Variants in DCDC1 observed in about 807,000 individuals in gnomAD.
The protein encoded by DCDC1 is doublecortin domain containing 1.
A neutral mutation model predicts 178.3 loss-of-function variants in DCDC1; 200 were observed. The observed-to-expected ratio is 1.12, with a 90% CI of 1.00 to 1.26. DCDC1 has a LOEUF of 1.26. Ranked by LOEUF, DCDC1 falls within the 50% of genes most tolerant of loss-of-function variation. DCDC1 has a pLI of 0.00. For synonymous variants in DCDC1, 690 were observed against 604.8 expected (o/e 1.14, Z -2.07); for missense variants, 1,983 against 1,749.2 (o/e 1.13, Z -2.38).
chr11:31,102,046 C>T (rs1217613735), intron 15 of DCDC1, 131 bp downstream of exon 15: 1 of 453,426 alleles, frequency 2.2e-6, no homozygotes. Context: ...CACTGCATTC[C>T]ACCCTGGGTG....
At chr11:30,974,195 A>T (rs573466641) in intron 20 of DCDC1, among the ~76,000 whole-genome samples, 1 of 152,152 alleles carries the variant, frequency 6.6e-6, no homozygotes, top group South Asian at 2.1e-4. Flanking sequence ...ATGCAAACCA[A>T]AACGCAACAC....
intron 20 of DCDC1, among the ~76,000 whole-genome samples, chr11:30,958,413 G>A (rs1948892814): frequency 6.6e-6 from 1 of 152,076 alleles, no homozygotes; most frequent in South Asian, 2.1e-4. Context: ...CATTGTCTCA[G>A]ATTAAGAGAC....
At chr11:30,911,011 A>AG (rs1389815653) in intron 28 of DCDC1, among the ~76,000 whole-genome samples, 1 of 152,160 alleles carries the variant, frequency 6.6e-6, no homozygotes, top group African/African-American at 2.4e-5. Context: ...ACCTGCCTGC[A>AG]GCCACCACTG....
intron 11 of DCDC1, among the ~76,000 whole-genome samples, chr11:31,113,596 A>G (rs1216055062): frequency 1.3e-5 from 2 of 152,006 alleles, no homozygotes; most frequent in Admixed American, 1.3e-4. Context: ...AGCTTCATCC[A>G]TGTCCCTACA....
At chr11:30,900,576 A>G in intron 32 of DCDC1, 78 bp from the exon 33 acceptor site, 2 of 1,248,042 alleles carry the variant, frequency 1.6e-6, no homozygotes, top group Non-Finnish European at 1.0e-6. Flanking sequence ...TTTATTCAAA[A>G]TATTTTATTA....
At chr11:31,166,651 GA>G (rs1167039640) in intron 9 of DCDC1, among the ~76,000 whole-genome samples, 7 of 152,072 alleles carry the variant, frequency 4.6e-5, no homozygotes, top group Non-Finnish European at 4.4e-5. Context: ...AAGAATAAAA[GA>G]AAAAGGGAAG....
intron 1 of DCDC1, among the ~76,000 whole-genome samples, chr11:31,346,562 C>T (rs1367912607): frequency 6.6e-6 from 1 of 150,534 alleles, no homozygotes; most frequent in Non-Finnish European, 1.5e-5. Context: ...TTCAGACATA[C>T]ATTTTTGAGA....
At chr11:30,884,194 C>T (rs1319917887) in intron 36 of DCDC1, among the ~76,000 whole-genome samples, 3 of 151,604 alleles carry the variant, frequency 2.0e-5, no homozygotes, top group Admixed American at 1.3e-4. Context: ...CCACCATGTC[C>T]GGCTAATTTT....
chr11:31,021,837 A>G (rs1952899663), intron 20 of DCDC1, among the ~76,000 whole-genome samples: 1 of 152,172 alleles, frequency 6.6e-6, no homozygotes, highest in Non-Finnish European at 1.5e-5. Context: ...CCTGTTACTA[A>G]TTAGGTGTAC....
Position 30,977,822 on chromosome 11 carries a change from G to A in DCDC1, c.2592-25254C>T, listed in dbSNP as rs570107846. The stretch of plus-strand genomic sequence containing the variant: ...GGCTTGCCTGTATTCCCAGCTACTC[G>A]TGGGTGCTGAGGTGGGAGGATGACT... On this transcript the variant is annotated intron_variant, in intron 20 of 38. Transcript: ENST00000684477. 7.2e-5 allele frequency among the ~76,000 whole-genome samples: 11 copies of A among 152,178 alleles called. No homozygotes were observed. In the South Asian group the frequency reaches 1.0e-3, roughly 14 times the overall value.
At position 31,350,808 on chromosome 11, in the gene DCDC1, C is replaced by T. The variant is rs1024385128; in HGVS notation, c.-124-15244G>A. Among the ~76,000 whole-genome samples, 6 of 152,160 alleles carry T rather than the reference C, an allele frequency of 3.9e-5. No individual in the cohort carries two copies. In the East Asian group the frequency reaches 5.8e-4, roughly 15 times the overall value. On this transcript the variant is annotated intron_variant, in intron 1 of 38. Transcript: ENST00000684477. ...AAAAATTATATTTATGTATCACATA[C>T]GTCAGAAAATGATTTAAATAATTTA...
intron 8 of DCDC1, among the ~76,000 whole-genome samples, chr11:31,250,772 TTG>T (rs1377353672): frequency 1.3e-4 from 20 of 150,992 alleles, no homozygotes; most frequent in African/African-American, 4.7e-4. Context: ...TTTTTTTTTT[TTG>T]AGACGGAGTC....
intron 8 of DCDC1, among the ~76,000 whole-genome samples, chr11:31,259,303 A>G (rs2137054767): frequency 6.6e-6 from 1 of 152,282 alleles, no homozygotes; most frequent in South Asian, 2.1e-4. Flanking sequence ...CAGTGAGCCA[A>G]GATCACACCA....
In DCDC1 at chr11:31,305,607, T is replaced by G. The variant is rs1948404264; in HGVS notation, c.754+8A>C. 1.2e-6 allele frequency: 2 copies of G among 1,612,828 alleles called. No individual in the cohort carries two copies. Among genetic ancestry groups the G allele is most frequent in the Non-Finnish European group, 1.7e-6 (2 of 1,179,352 alleles). On this transcript the variant is annotated splice_region_variant and intron_variant, in intron 6 of 38. Coordinates refer to ENST00000684477, the MANE Select transcript of DCDC1 (RefSeq NM_001387274.1). ...GTGGGGGTAGGGTATTTTTTAGATC[T>G]TTTTTACCTTTAATTTTTTTGAATG...
rs374059643 is a variant in DCDC1 at position 31,106,804 on chromosome 11, C to T, written c.1744G>A (p.Ala582Thr). The T allele has an allele frequency of 1.4e-4, 109 of 766,060 alleles. No individual in the cohort carries two copies. Among genetic ancestry groups the T allele is most frequent in the Non-Finnish European group, 2.2e-4 (90 of 417,782 alleles). 47.5% of individuals were successfully genotyped at this position (766,060 alleles called of 1,614,324 possible). ...CAAACCCCTTGCTCCTACCTGTATG[C>T]TCTACCATAAGAGACCCAAATTTTT... ...EQKIWVSYGR[A>T]YRSPLNLALG... The change falls in exon 13 of 39, where the codon GCA becomes ACA. Residue 582 changes from alanine (A) to threonine (T), a missense_variant. By Grantham distance (58) the Ala-to-Thr change is moderately conservative. Coordinates refer to ENST00000684477, the MANE Select transcript of DCDC1 (RefSeq NM_001387274.1).
intron 1 of DCDC1, among the ~76,000 whole-genome samples, chr11:31,347,005 C>A (rs1950851335): frequency 6.6e-6 from 1 of 152,094 alleles, no homozygotes; most frequent in African/African-American, 2.4e-5. Flanking sequence ...AAGCTTATAA[C>A]AAGAAATGTT....
At chr11:30,907,058 C>G (rs1286352263) in intron 29 of DCDC1, among the ~76,000 whole-genome samples, 3 of 152,130 alleles carry the variant, frequency 2.0e-5, no homozygotes, top group Admixed American at 2.0e-4. Flanking sequence ...AAGAAGCCAT[C>G]ATCATGTCCA....
At chr11:31,174,260 G>T (rs1055400254) in intron 9 of DCDC1, among the ~76,000 whole-genome samples, 6 of 152,324 alleles carry the variant, frequency 3.9e-5, no homozygotes, top group African/African-American at 1.4e-4. Flanking sequence ...TACTCCCACT[G>T]CCTGTCCTCT....
chr11:31,291,556 G>A (rs1947232375), intron 6 of DCDC1, among the ~76,000 whole-genome samples: 1 of 152,094 alleles, frequency 6.6e-6, no homozygotes, highest in Non-Finnish European at 1.5e-5. Flanking sequence ...GTAAGGGTAA[G>A]AAGAGGAGTG....
Sources: gnomAD v4.1 joint callset for allele counts (sites outside exome capture counted in the v4.1 genomes callset) on GRCh38, gnomAD v4.1.1 for gene constraint, MANE v1.5 for transcripts, NCBI Gene and HGNC (gene_info 2026-07-23, HGNC 2026-07-21) for gene names.